The following NRXN3 variants were observed in gnomAD, a reference collection of about 807,000 sequenced individuals.
NRXN3 encodes the protein neurexin 3, also known as neurexin III.
A neutral mutation model predicts 137.6 loss-of-function variants in NRXN3; 32 were observed. The observed-to-expected ratio is 0.23, with a 90% CI of 0.18 to 0.31. The LOEUF is 0.31. Ranked by LOEUF, NRXN3 falls within the 10% of genes least tolerant of loss-of-function variation. NRXN3 has a pLI of 1.00. For missense variants in NRXN3, 1,574 were observed against 2,062.5 expected (o/e 0.76, Z 4.59); for synonymous variants, 798 against 784.5 (o/e 1.02, Z -0.29).
chr14:78,499,262 G>A (rs551433971), intron 4 of NRXN3, among the ~76,000 whole-genome samples: 3 of 151,714 alleles, frequency 2.0e-5, no homozygotes, highest in East Asian at 1.9e-4. Context: ...GCACAGATAA[G>A]CACTGAGCAA....
chr14:79,267,692 A>C (rs2078652720), intron 15 of NRXN3, among the ~76,000 whole-genome samples: 1 of 152,050 alleles, frequency 6.6e-6, no homozygotes, highest in African/African-American at 2.4e-5. Context: ...CATGTTGGCC[A>C]GGCTGGTCTT....
Position 78,770,850 on chromosome 14 carries a change from T to TG in NRXN3, c.2045-32762dup, listed in dbSNP as rs112537770. Reference sequence around the variant, plus strand: ...CTGTAAAGTGTATAAATTTTGGGGTTGGGGGGGGTACAGCTAAAAGGAGCT... The same window carrying TG: ...CTGTAAAGTGTATAAATTTTGGGGTTGGGGGGGGGTACAGCTAAAAGGAGCT... On this transcript the variant is annotated intron_variant, in intron 8 of 20. Coordinates refer to ENST00000335750, the MANE Select transcript of NRXN3 (RefSeq NM_001330195.2). Among the ~76,000 whole-genome samples, 359 of 150,890 alleles carry TG rather than the reference T, an allele frequency of 2.4e-3. 1 individual carries two copies. The highest frequency in any genetic ancestry group is 0.011 in the East Asian group (58 of 5,074).
chr14:79,344,354 CTGTT>C (rs1258480282), intron 15 of NRXN3, among the ~76,000 whole-genome samples: 4 of 152,048 alleles, frequency 2.6e-5, no homozygotes, highest in East Asian at 1.9e-4. Flanking sequence ...CTCTGCCTCT[CTGTT>C]TGGTTAATAA....
chr14:78,738,843 G>T (rs1335733480), intron 8 of NRXN3, among the ~76,000 whole-genome samples: 2 of 152,194 alleles, frequency 1.3e-5, no homozygotes, highest in Non-Finnish European at 2.9e-5. Flanking sequence ...GAAGGCAGAT[G>T]GAAGAATGAT....
chr14:79,845,728 G>A (rs1338401238), intron 20 of NRXN3, among the ~76,000 whole-genome samples: 1 of 105,940 alleles, frequency 9.4e-6, no homozygotes, highest in African/African-American at 4.3e-5. Flanking sequence ...GAGAGAGGGA[G>A]ACGGGGAGAG....
intron 1 of NRXN3, among the ~76,000 whole-genome samples, chr14:78,219,985 G>A (rs912862265): frequency 2.6e-5 from 4 of 151,994 alleles, no homozygotes; most frequent in African/African-American, 9.7e-5. Flanking sequence ...GAAAGGAGGA[G>A]GGATATTGAG....
chr14:78,839,927 GT>G (rs1309185559), intron 10 of NRXN3, among the ~76,000 whole-genome samples: 8 of 152,288 alleles, frequency 5.3e-5, no homozygotes, highest in African/African-American at 7.2e-5. Context: ...AAAGACTAAT[GT>G]TTTTATGCTT....
intron 1 of NRXN3, among the ~76,000 whole-genome samples, chr14:78,189,195 A>G (rs1249228300): frequency 1.3e-5 from 2 of 151,960 alleles, no homozygotes; most frequent in Non-Finnish European, 2.9e-5. Context: ...TATACTTCTT[A>G]CCTCTGTGGT....
At chr14:78,894,655 A>G (rs1391230363) in intron 10 of NRXN3, among the ~76,000 whole-genome samples, 3 of 151,922 alleles carry the variant, frequency 2.0e-5, no homozygotes, top group Non-Finnish European at 4.4e-5. Flanking sequence ...ATTTTCAAAA[A>G]ATTTTCCATT....
At chr14:78,689,049 T>C (rs1337892154) in intron 6 of NRXN3, among the ~76,000 whole-genome samples, 3 of 152,160 alleles carry the variant, frequency 2.0e-5, no homozygotes, top group African/African-American at 7.2e-5. Flanking sequence ...ATTAAATATA[T>C]AATCTAAGAA....
At chr14:78,237,271 G>A (rs1013176269) in intron 1 of NRXN3, among the ~76,000 whole-genome samples, 1 of 152,186 alleles carries the variant, frequency 6.6e-6, no homozygotes, top group African/African-American at 2.4e-5. Flanking sequence ...GAGTGTATGA[G>A]TCAGGACTCT....
At chr14:78,876,388 A>C (rs2099113932) in intron 10 of NRXN3, among the ~76,000 whole-genome samples, 2 of 152,216 alleles carry the variant, frequency 1.3e-5, no homozygotes, top group Admixed American at 6.5e-5. Context: ...ATTTCTATTG[A>C]TTGCAGCAAA....
intron 15 of NRXN3, among the ~76,000 whole-genome samples, chr14:78,996,179 T>C (rs1225249334): frequency 6.6e-6 from 1 of 152,226 alleles, no homozygotes; most frequent in Non-Finnish European, 1.5e-5. Context: ...TTACCTTGAA[T>C]ACCTCTTTCA....
At chr14:79,078,852 G>C (rs2046403814) in intron 15 of NRXN3, among the ~76,000 whole-genome samples, 1 of 152,102 alleles carries the variant, frequency 6.6e-6, no homozygotes, top group Non-Finnish European at 1.5e-5. Context: ...AATAAAGAGA[G>C]GAAGTTATAC....
intron 16 of NRXN3, among the ~76,000 whole-genome samples, chr14:79,523,515 C>T (rs954866919): frequency 6.6e-6 from 1 of 152,172 alleles, no homozygotes; most frequent in Non-Finnish European, 1.5e-5. Flanking sequence ...AAAATGCTTC[C>T]CTTCCACCTC....
intron 15 of NRXN3, among the ~76,000 whole-genome samples, chr14:79,060,089 A>G (rs967232092): frequency 2.0e-5 from 3 of 152,220 alleles, no homozygotes; most frequent in African/African-American, 7.2e-5. Flanking sequence ...CATTTGAAAT[A>G]TGCCTCAGAC....
At chr14:78,879,239 C>A (rs935046419) in intron 10 of NRXN3, among the ~76,000 whole-genome samples, 1 of 152,212 alleles carries the variant, frequency 6.6e-6, no homozygotes, top group Non-Finnish European at 1.5e-5. Context: ...ATCAGGATCA[C>A]TGGATCGTAT....
At chr14:79,725,668 G>A (rs756547713) in intron 19 of NRXN3, among the ~76,000 whole-genome samples, 23 of 152,258 alleles carry the variant, frequency 1.5e-4, no homozygotes, top group African/African-American at 5.5e-4. Context: ...TCCCAGGCAC[G>A]TTTTGTGATA....
chr14:79,842,793 C>A (rs2099358857), intron 20 of NRXN3, among the ~76,000 whole-genome samples: 1 of 152,090 alleles, frequency 6.6e-6, no homozygotes, highest in Non-Finnish European at 1.5e-5. Context: ...GAATACAATA[C>A]ACTATTACTA....
Sources: allele counts gnomAD v4.1 joint callset (sites outside exome capture counted in the v4.1 genomes callset), GRCh38; gene constraint gnomAD v4.1.1; transcripts MANE v1.5; gene names NCBI Gene and HGNC (gene_info 2026-07-23, HGNC 2026-07-21).